The following DPP10 variants were observed in gnomAD, a reference collection of about 807,000 sequenced individuals.
The protein encoded by DPP10 is dipeptidyl peptidase like 10.
In DPP10, 33 loss-of-function variants were observed where a neutral mutation model predicts 120.9. The observed-to-expected ratio is 0.27, with a 90% CI of 0.21 to 0.37. The LOEUF is 0.37. Ranked by LOEUF, DPP10 falls within the 10% of genes least tolerant of loss-of-function variation. The pLI, the probability that DPP10 is intolerant of heterozygous loss-of-function variation, is 1.00. For synonymous variants in DPP10, 337 were observed against 326.1 expected, an observed-to-expected ratio of 1.03 and a Z score of -0.36; for missense variants, 816 against 942.8, an observed-to-expected ratio of 0.87 and a Z score of 1.76.
intron 4 of DPP10, among the ~76,000 whole-genome samples, chr2:115,504,573 A>G (rs1396443196): frequency 6.6e-6 from 1 of 152,058 alleles, no homozygotes; most frequent in Non-Finnish European, 1.5e-5. Context: ...ATGTTTGTTT[A>G]CATTATTTAG....
At chr2:115,057,373 A>AT (rs201551823) in intron 1 of DPP10, among the ~76,000 whole-genome samples, 113 of 151,380 alleles carry the variant, frequency 7.5e-4, no homozygotes, top group African/African-American at 2.2e-3. Context: ...AGATGGAGGG[A>AT]TTTTTTTTTA....
rs1415866249 is a variant in DPP10, at chr2:115,499,592, A to G, written c.354A>G (p.Glu118=). 3 of 1,610,374 alleles carry G rather than the reference A, an allele frequency of 1.9e-6. No homozygotes were observed. In the African/African-American group the frequency reaches 4.0e-5, roughly 22 times the overall value. The change falls in exon 4 of 26, where the codon GAA becomes GAG. Residue 118 remains glutamate, a synonymous_variant. Coordinates refer to ENST00000410059, the MANE Select transcript of DPP10 (RefSeq NM_020868.6). ...IETNATTLLL[E]NTTFVTFKAS... ...CAAATGCTACCACATTATTATTGGA[A>G]AACACAACTTTTGTAAGTAATGAAT...
chr2:115,618,045 A>G (rs1173856499), intron 5 of DPP10, among the ~76,000 whole-genome samples: 2 of 152,172 alleles, frequency 1.3e-5, no homozygotes, highest in African/African-American at 4.8e-5. Flanking sequence ...GGGCATTGTG[A>G]CATAACATTT....
chr2:114,461,345 C>G (rs4849336), intron 1 of DPP10, among the ~76,000 whole-genome samples: 79,318 of 152,026 alleles, frequency 0.52, 22,612 homozygotes, highest in East Asian at 0.7. Flanking sequence ...TCCTTTTGAG[C>G]CATCTTTGTT....
At chr2:114,643,871 G>A (rs1695900014) in intron 1 of DPP10, among the ~76,000 whole-genome samples, 1 of 149,928 alleles carries the variant, frequency 6.7e-6, no homozygotes, top group African/African-American at 2.5e-5. Context: ...GTGTGTTTGT[G>A]TGTGTGTGTA....
At chr2:114,650,795 A>T (rs1209488669) in intron 1 of DPP10, among the ~76,000 whole-genome samples, 1 of 152,098 alleles carries the variant, frequency 6.6e-6, no homozygotes, top group Non-Finnish European at 1.5e-5. Context: ...CTCCATCCCC[A>T]CATCCTACAT....
In DPP10 at chr2:115,778,136, C is replaced by T. The variant is rs186409702; in HGVS notation, c.1361+302C>T. Among the ~76,000 whole-genome samples the T allele has an allele frequency of 1.2e-4, 18 of 152,178 alleles. No individual in the cohort carries two copies. In the East Asian group the frequency reaches 1.7e-3, roughly 15 times the overall value. ...CAACTCTCCACATCAGAGAGATTTA[C>T]GTATTTTCCCTCGTGCCTTCATCTT... On this transcript the variant is annotated intron_variant, in intron 15 of 25. Transcript: ENST00000410059.
chr2:114,500,636 A>C (rs192692960), intron 1 of DPP10, among the ~76,000 whole-genome samples: 27 of 152,314 alleles, frequency 1.8e-4, no homozygotes, highest in African/African-American at 6.0e-4. Context: ...GAGCAAAGTA[A>C]GATATTGATT....
chr2:115,248,739 C>T (rs1574158081), intron 1 of DPP10, among the ~76,000 whole-genome samples: 1 of 152,130 alleles, frequency 6.6e-6, no homozygotes, highest in South Asian at 2.1e-4. Flanking sequence ...TAACTGTCTT[C>T]ATGCTAAAAT....
intron 2 of DPP10, among the ~76,000 whole-genome samples, chr2:115,314,416 T>G (rs1376504708): frequency 6.6e-6 from 1 of 152,222 alleles, no homozygotes; most frequent in African/African-American, 2.4e-5. Context: ...CCTGTTTCTT[T>G]TGGAAACTTC....
In DPP10 at chr2:114,521,804, GTTTTTTTTT is replaced by G. The variant is rs758908081; in HGVS notation, c.60+78979_60+78987del. ...ATAATTATAGATACTATTATCCAAGGTTTTTTTTTTTTTTTTTTTTTGAGATGGAGTCTC... is the reference window on the plus strand; with the variant it reads ...ATAATTATAGATACTATTATCCAAGGTTTTTTTTTTTTGAGATGGAGTCTC... On this transcript the variant is annotated intron_variant, in intron 1 of 25. Coordinates refer to ENST00000410059, the MANE Select transcript of DPP10 (RefSeq NM_020868.6). Among the ~76,000 whole-genome samples the G allele has an allele frequency of 2.0e-3, 220 of 112,740 alleles. 3 individuals are homozygous for G. The East Asian group carries it at 0.055, about 28-fold the overall frequency. The allele number at this position is 112,740 out of a possible 152,430, so 74.0% of individuals were successfully genotyped here.
At chr2:114,935,861 AG>A (rs1030155301) in intron 1 of DPP10, among the ~76,000 whole-genome samples, 3 of 140,676 alleles carry the variant, frequency 2.1e-5, no homozygotes, top group African/African-American at 7.5e-5. Context: ...AAAAAACTGA[AG>A]GTTTTTTTTT....
intron 1 of DPP10, among the ~76,000 whole-genome samples, chr2:115,216,164 G>T: frequency 6.6e-6 from 1 of 152,088 alleles, no homozygotes; most frequent in East Asian, 1.9e-4. Context: ...GTGGGAGGAT[G>T]GGAGGAAAGA....
intron 1 of DPP10, among the ~76,000 whole-genome samples, chr2:115,002,641 T>A (rs1479207367): frequency 6.6e-6 from 1 of 151,886 alleles, no homozygotes; most frequent in Admixed American, 6.6e-5. Context: ...TATCTAGAAT[T>A]CCTAAGAAAC....
chr2:115,763,938 G>A (rs1367535136), intron 12 of DPP10, among the ~76,000 whole-genome samples: 1 of 152,076 alleles, frequency 6.6e-6, no homozygotes, highest in African/African-American at 2.4e-5. Flanking sequence ...GACTTCATAA[G>A]TGCCCTTCCT....
At chr2:115,585,795 T>A (rs752090205) in intron 5 of DPP10, among the ~76,000 whole-genome samples, 3 of 152,182 alleles carry the variant, frequency 2.0e-5, no homozygotes, top group Non-Finnish European at 4.4e-5. Context: ...TATCTATCTA[T>A]CCACGTCGCC....
At chr2:115,162,192 G>A in intron 1 of DPP10, 1 of 1,551,740 alleles carries the variant, frequency 6.4e-7, no homozygotes, top group Non-Finnish European at 8.7e-7. Context: ...GACTCTGCGG[G>A]AAGTTAGAGC....
At chr2:114,981,987 T>C (rs914621408) in intron 1 of DPP10, among the ~76,000 whole-genome samples, 1 of 151,664 alleles carries the variant, frequency 6.6e-6, no homozygotes, top group African/African-American at 2.4e-5. Context: ...TTCCACCTCC[T>C]GGGTTCAAGT....
intron 1 of DPP10, among the ~76,000 whole-genome samples, chr2:114,704,328 G>A (rs1034787226): frequency 3.9e-5 from 6 of 152,118 alleles, no homozygotes; most frequent in African/African-American, 1.4e-4. Flanking sequence ...GTCTGATAGT[G>A]AAGTAAGGAG....
Sources: allele counts gnomAD v4.1 joint callset (sites outside exome capture counted in the v4.1 genomes callset), GRCh38; gene constraint gnomAD v4.1.1; transcripts MANE v1.5; gene names NCBI Gene and HGNC (gene_info 2026-07-23, HGNC 2026-07-21).